HK2: variants seen among roughly 807,000 people sequenced by gnomAD.
The protein encoded by HK2 is hexokinase 2, also known as hexokinase-2.
In HK2, 42 loss-of-function variants were observed where a neutral mutation model predicts 92.9. That is an observed-to-expected ratio of 0.45 (90% CI 0.35 to 0.58). The LOEUF (loss-of-function observed/expected upper bound fraction) is 0.58, where lower values mean the gene tolerates loss of function less well. HK2 is among the 20% of genes least tolerant of loss of function. HK2 has a pLI of 0.00. For missense variants in HK2, 978 were observed against 1,245.1 expected (o/e 0.79, Z 3.23); for synonymous variants, 422 against 468.0 (o/e 0.90, Z 1.27).
intron 2 of HK2, among the ~76,000 whole-genome samples, chr2:74,855,394 G>A (rs780964244): frequency 1.3e-4 from 20 of 152,094 alleles, no homozygotes; most frequent in South Asian, 4.2e-4. Context: ...TTTTGAGATG[G>A]AGTCTCGCTC....
intron 2 of HK2, among the ~76,000 whole-genome samples, chr2:74,858,114 C>T (rs1010234175): frequency 1.3e-5 from 2 of 152,224 alleles, no homozygotes; most frequent in African/African-American, 4.8e-5. Flanking sequence ...GCTATATCTT[C>T]ACAGCAAGAA....
At chr2:74,836,922 T>G (rs1370997135) in intron 1 of HK2, among the ~76,000 whole-genome samples, 1 of 152,214 alleles carries the variant, frequency 6.6e-6, no homozygotes, top group Non-Finnish European at 1.5e-5. Context: ...GGTTGTAGTC[T>G]GAGGACGTGG....
chr2:74,890,412 G>A (rs1486467971), intron 17 of HK2, among the ~76,000 whole-genome samples: 1 of 152,176 alleles, frequency 6.6e-6, no homozygotes, highest in Admixed American at 6.5e-5. Flanking sequence ...ATGAGTCCTG[G>A]TCCTGGTCTC....
chr2:74,890,689 T>G, intron 17 of HK2, 108 bp from the exon 18 acceptor site: 5 of 1,209,112 alleles, frequency 4.1e-6, no homozygotes, highest in Non-Finnish European at 6.2e-6. Flanking sequence ...CTCTTCTTAA[T>G]TATTTCTGTG....
rs1689664031 is a variant in HK2, at chr2:74,890,971, T to C, written c.*30T>C. ...CCTGAAATCGGAAGGGACTTCCTCTTTCTCTCCTTCTTCCCTGTTTTAAAT... is the reference window on the plus strand; with the variant it reads ...CCTGAAATCGGAAGGGACTTCCTCTCTCTCTCCTTCTTCCCTGTTTTAAAT... On this transcript the variant is annotated 3_prime_UTR_variant, in exon 18 of 18. Transcript: ENST00000290573. The C allele has an allele frequency of 3.1e-6, 5 of 1,611,602 alleles. No individual in the cohort carries two copies. Among genetic ancestry groups the C allele is most frequent in the Non-Finnish European group, 4.2e-6 (5 of 1,179,080 alleles).
intron 1 of HK2, among the ~76,000 whole-genome samples, chr2:74,849,053 C>T (rs981650026): frequency 6.6e-6 from 1 of 152,200 alleles, no homozygotes; most frequent in East Asian, 1.9e-4. Flanking sequence ...CTGCATACTT[C>T]GAAGTGGAGC....
At chr2:74,882,268 T>C (rs375280227) in intron 12 of HK2, 29 bp downstream of exon 12, 146 of 1,613,344 alleles carry the variant, frequency 9.0e-5, no homozygotes, top group Non-Finnish European at 1.1e-4. Flanking sequence ...AGGGCTCTCC[T>C]GTGGGCTTTA....
chr2:74,873,618 C>T (rs1689152549), intron 5 of HK2, among the ~76,000 whole-genome samples: 1 of 151,866 alleles, frequency 6.6e-6, no homozygotes, highest in Non-Finnish European at 1.5e-5. Context: ...CTGAAGAAGA[C>T]TTGAATGTGA....
rs1689704506 is a variant in HK2 at position 74,892,481 on chromosome 2, A to G, written c.*1540A>G. 2.0e-5 allele frequency: 3 copies of G among 151,934 alleles called. No individual in the cohort carries two copies. The East Asian group carries it at 5.8e-4, about 29-fold the overall frequency. 9.4% of individuals were successfully genotyped at this position (151,934 alleles called of 1,614,324 possible). A position where few individuals can be genotyped will look rare whatever the true frequency, so the allele number is the denominator to read the frequency against. On this transcript the variant is annotated 3_prime_UTR_variant, in exon 18 of 18. Coordinates refer to ENST00000290573, the MANE Select transcript of HK2 (RefSeq NM_000189.5). Reference sequence around the variant, plus strand: ...TTTTTTATACACAACATTTATTTCAAACTATTGGGAGGGATGAGAGTGGCT... The same window carrying G: ...TTTTTTATACACAACATTTATTTCAGACTATTGGGAGGGATGAGAGTGGCT...
chr2:74,842,448 C>T (rs1054881956), intron 1 of HK2, among the ~76,000 whole-genome samples: 1 of 152,172 alleles, frequency 6.6e-6, no homozygotes, highest in Non-Finnish European at 1.5e-5. Context: ...CGGGACATAA[C>T]CTCATTGTAA....
intron 1 of HK2, among the ~76,000 whole-genome samples, chr2:74,837,557 G>A (rs1688196248): frequency 6.6e-6 from 1 of 152,056 alleles, no homozygotes; most frequent in Non-Finnish European, 1.5e-5. Flanking sequence ...CATTTCAGGA[G>A]CTCTCTACAG....
chr2:74,844,171 T>C (rs1203224082), intron 1 of HK2, among the ~76,000 whole-genome samples: 1 of 152,200 alleles, frequency 6.6e-6, no homozygotes, highest in Non-Finnish European at 1.5e-5. Flanking sequence ...GGAAGGGACC[T>C]TTGGGACCAT....
At position 74,852,031 on chromosome 2, in the gene HK2, C is replaced by T. The variant is rs117762828; in HGVS notation, c.64-2262C>T. On this transcript the variant is annotated intron_variant, in intron 1 of 17. Transcript: ENST00000290573. ...CTCTATCAAGCCAAACGTGGCCCCT[C>T]GTGTCTGTGTGACTTCCCCTCTCTG... 1.2e-3 allele frequency among the ~76,000 whole-genome samples: 184 copies of T among 152,304 alleles called. 3 individuals carry two copies. Among genetic ancestry groups the T allele is most frequent in the East Asian group, 9.9e-3 (51 of 5,176 alleles).
chr2:74,852,454 G>A (rs1688594044), intron 1 of HK2, among the ~76,000 whole-genome samples: 1 of 152,176 alleles, frequency 6.6e-6, no homozygotes, highest in Non-Finnish European at 1.5e-5. Context: ...GGCTGAAGCT[G>A]CACCCTTTTT....
intron 1 of HK2, among the ~76,000 whole-genome samples, chr2:74,843,625 C>G (rs1056570829): frequency 1.3e-5 from 2 of 152,188 alleles, no homozygotes; most frequent in African/African-American, 4.8e-5. Flanking sequence ...CCTGCCCACT[C>G]AGCCTTCCTG....
At chr2:74,857,420 CA>C (rs1688720365) in intron 2 of HK2, among the ~76,000 whole-genome samples, 2 of 152,200 alleles carry the variant, frequency 1.3e-5, no homozygotes, top group Admixed American at 1.3e-4. Flanking sequence ...GACAACTCAG[CA>C]ATTCCACTTC....
chr2:74,865,473 C>A (rs1424609658), intron 2 of HK2, among the ~76,000 whole-genome samples: 2 of 152,030 alleles, frequency 1.3e-5, no homozygotes, highest in African/African-American at 2.4e-5. Flanking sequence ...GCTGATGAGG[C>A]ATTTCATCTT....
rs1434364709 is a variant in HK2 at position 74,834,507 on chromosome 2, G to A, written c.-74G>A. 6.8e-7 allele frequency: 1 copy of A among 1,481,206 alleles called. No individual in the cohort carries two copies. Among genetic ancestry groups the A allele is most frequent in the Admixed American group, 1.7e-5 (1 of 59,226 alleles). The allele number at this position is 1,481,206 out of a possible 1,614,324, so 91.8% of individuals were successfully genotyped here. A position where few individuals can be genotyped will look rare whatever the true frequency, so the allele number is the denominator to read the frequency against. On this transcript the variant is annotated 5_prime_UTR_variant, in exon 1 of 18. Transcript: ENST00000290573. The surrounding 1 kb of genome is among the most constrained non-coding windows in gnomAD (Gnocchi z 4.2). ...AGCCGAGCCCCAGCACAAAGCAGTC[G>A]GACCGCGCCGCCCGCCTCCCCTCTC...
Position 74,891,122 on chromosome 2 carries a change from T to G in HK2, c.*181T>G. 1.5e-6 allele frequency: 1 copy of G among 653,170 alleles called. No individual in the cohort carries two copies. The highest frequency in any genetic ancestry group is 2.6e-6 in the Non-Finnish European group (1 of 379,512). The allele number at this position is 653,170 out of a possible 1,614,324, so 40.5% of individuals were successfully genotyped here. A position where few individuals can be genotyped will look rare whatever the true frequency, so the allele number is the denominator to read the frequency against. On this transcript the variant is annotated 3_prime_UTR_variant, in exon 18 of 18. Transcript: ENST00000290573. ...AGCTTGGTGGCTGAGCTTGGCCCTA[T>G]TAAGATAAATAGAGTTCCAAATAAG...
Sources: gnomAD v4.1 joint callset for allele counts (sites outside exome capture counted in the v4.1 genomes callset) on GRCh38, gnomAD v4.1.1 for gene constraint, Gnocchi (gnomAD v3.1) non-coding constraint, MANE v1.5 for transcripts, NCBI Gene and HGNC (gene_info 2026-07-23, HGNC 2026-07-21) for gene names.